PTPRE: variants seen among roughly 807,000 people sequenced by gnomAD.
PTPRE encodes the protein protein tyrosine phosphatase receptor type E, also known as receptor-type tyrosine-protein phosphatase epsilon.
PTPRE carries 51 observed loss-of-function variants against 102.0 expected under a neutral mutation model. That is an observed-to-expected ratio of 0.50 (90% CI 0.40 to 0.63). The LOEUF is 0.63. Ranked by LOEUF, PTPRE falls within the 30% of genes least tolerant of loss-of-function variation. The pLI is 0.00. For synonymous variants in PTPRE, 345 were observed against 348.2 expected, an observed-to-expected ratio of 0.99 and a Z score of 0.10; for missense variants, 752 against 915.1, an observed-to-expected ratio of 0.82 and a Z score of 2.30.
chr10:128,053,035 G>A (rs1848672308), intron 6 of PTPRE, among the ~76,000 whole-genome samples: 1 of 152,170 alleles, frequency 6.6e-6, no homozygotes, highest in South Asian at 2.1e-4. Context: ...GATCATTTGA[G>A]CCCAGTAGTT....
intron 1 of PTPRE, among the ~76,000 whole-genome samples, chr10:127,971,852 C>G (rs1445750755): frequency 6.6e-6 from 1 of 152,164 alleles, no homozygotes; most frequent in Non-Finnish European, 1.5e-5. Context: ...GAGAGCTTTC[C>G]CTTAGCACTT....
intron 1 of PTPRE, among the ~76,000 whole-genome samples, chr10:127,913,672 G>A (rs977628616): frequency 6.6e-6 from 1 of 152,200 alleles, no homozygotes. Context: ...CGCTCTGAGG[G>A]TCGGGAACGC....
chr10:128,032,672 G>A (rs925308388), intron 2 of PTPRE, among the ~76,000 whole-genome samples: 2 of 152,204 alleles, frequency 1.3e-5, no homozygotes, highest in African/African-American at 4.8e-5. Flanking sequence ...CTGGCCACTT[G>A]TGGCACCAGC....
intron 1 of PTPRE, among the ~76,000 whole-genome samples, chr10:127,920,106 A>G (rs895557660): frequency 6.6e-6 from 1 of 152,160 alleles, no homozygotes; most frequent in African/African-American, 2.4e-5. Context: ...GTTTGTGGCT[A>G]GAATGATGTT....
In PTPRE at chr10:127,907,359, A is replaced by G. The variant is rs71494332; in HGVS notation, c.-31+50A>G. The G allele has an allele frequency of 0.35, 339,116 of 982,130 alleles. 59,321 individuals carry two copies. Among genetic ancestry groups the G allele is most frequent in the African/African-American group, 0.48 (27,217 of 56,934 alleles). The allele number at this position is 982,130 out of a possible 1,614,324, so 60.8% of individuals were successfully genotyped here. ...CCTGCGCCCCTGTGGGGAACTGTGC[A>G]CCCCGGGAGGCCCAAGCAGGCCGGG... is the stretch of plus-strand genomic sequence containing the variant. On this transcript the variant is annotated intron_variant, in intron 1 of 20. Transcript: ENST00000254667. This position sits in a 1 kb window ranked among gnomAD's most constrained non-coding sequence, Gnocchi z 4.8.
rs570452606 is a variant in PTPRE at position 127,981,488 on chromosome 10, CTG to C, written c.-30-784_-30-783del. Among the ~76,000 whole-genome samples the C allele has an allele frequency of 6.2e-4, 93 of 149,976 alleles. 2 individuals are homozygous for C. In the South Asian group the frequency reaches 0.015, roughly 24 times the overall value. ...GTATGAAAATTATGTCTCAATAAAA[CTG>C]TTTTTTTTTAAAAAATAAAATAACA... On this transcript the variant is annotated intron_variant, in intron 1 of 20. Transcript: ENST00000254667.
intron 1 of PTPRE, among the ~76,000 whole-genome samples, chr10:127,926,835 A>G (rs1467258591): frequency 2.3e-5 from 3 of 130,018 alleles, no homozygotes; most frequent in East Asian, 4.7e-4. Flanking sequence ...TTTTTGAGAT[A>G]GAGTCTTACT....
intron 1 of PTPRE, among the ~76,000 whole-genome samples, chr10:127,923,049 C>T (rs1042918801): frequency 7.9e-5 from 12 of 152,236 alleles, no homozygotes; most frequent in Admixed American, 2.0e-4. Flanking sequence ...CTAACTTGAG[C>T]GTCTGGCGGC....
intron 1 of PTPRE, among the ~76,000 whole-genome samples, chr10:127,947,409 A>G (rs1251195386): frequency 6.6e-6 from 1 of 152,198 alleles, no homozygotes; most frequent in African/African-American, 2.4e-5. Flanking sequence ...AGGTGTTGCC[A>G]CACCCTGAGG....
intron 19 of PTPRE, 121 bp from the exon 20 acceptor site, chr10:128,079,433 GTCAAAC>G: frequency 7.7e-7 from 1 of 1,295,430 alleles, no homozygotes; most frequent in Non-Finnish European, 1.1e-6. Context: ...AAAAAATTCA[GTCAAAC>G]TCAGATCATT....
At chr10:128,067,483 C>T (rs922539053) in intron 11 of PTPRE, among the ~76,000 whole-genome samples, 7 of 151,948 alleles carry the variant, frequency 4.6e-5, no homozygotes, top group South Asian at 2.1e-4. Context: ...TTCACACGTG[C>T]GCACATACAC....
At chr10:128,065,703 T>C (rs999694862) in intron 10 of PTPRE, among the ~76,000 whole-genome samples, 1 of 152,160 alleles carries the variant, frequency 6.6e-6, no homozygotes, top group Non-Finnish European at 1.5e-5. Flanking sequence ...GGGAGCACCG[T>C]CCTTGCCCTC....
At chr10:127,965,080 T>C (rs562155188) in intron 1 of PTPRE, 89 of 452,476 alleles carry the variant, frequency 2.0e-4, no homozygotes, top group South Asian at 1.1e-3. Context: ...ACTTCTAAAA[T>C]TCAGTCCAAT....
At chr10:128,073,955 A>T (rs548636027) in intron 17 of PTPRE, among the ~76,000 whole-genome samples, 3 of 152,322 alleles carry the variant, frequency 2.0e-5, no homozygotes, top group Admixed American at 1.3e-4. Flanking sequence ...CATGCAATTC[A>T]TCTTTTTAAA....
At chr10:128,067,069 T>C (rs1850202259) in intron 11 of PTPRE, among the ~76,000 whole-genome samples, 6 of 143,264 alleles carry the variant, frequency 4.2e-5, no homozygotes, top group Admixed American at 4.2e-4. Flanking sequence ...CATGCACACG[T>C]ACACCCACAC....
intron 1 of PTPRE, among the ~76,000 whole-genome samples, chr10:127,938,726 T>C (rs892038584): frequency 6.6e-6 from 1 of 152,188 alleles, no homozygotes; most frequent in South Asian, 2.1e-4. Context: ...AGTGTGTAAA[T>C]TGATAAAATT....
chr10:128,007,046 C>T (rs1178708719), intron 2 of PTPRE, among the ~76,000 whole-genome samples: 1 of 152,156 alleles, frequency 6.6e-6, no homozygotes, highest in Admixed American at 6.5e-5. Flanking sequence ...CCTATTTTCC[C>T]ATTACCTGAT....
Position 128,079,704 on chromosome 10 carries a change from C to A in PTPRE, c.2028+9C>A, listed in dbSNP as rs1851535224. 1 of 1,609,242 alleles carries A rather than the reference C, an allele frequency of 6.2e-7. No homozygotes were observed. Among genetic ancestry groups the A allele is most frequent in the African/African-American group, 1.3e-5 (1 of 74,758 alleles). ...ATATGGTGCAAACCCTGGTAAGAATCTGAATAAGGATGTTACCAGAAGAGT... is the reference window on the plus strand; with the variant it reads ...ATATGGTGCAAACCCTGGTAAGAATATGAATAAGGATGTTACCAGAAGAGT... On this transcript the variant is annotated intron_variant, in intron 20 of 20. Coordinates refer to ENST00000254667, the MANE Select transcript of PTPRE (RefSeq NM_006504.6).
intron 2 of PTPRE, among the ~76,000 whole-genome samples, chr10:128,006,004 T>C (rs1006233654): frequency 6.6e-6 from 1 of 152,192 alleles, no homozygotes; most frequent in African/African-American, 2.4e-5. Context: ...CCTCTTCTTA[T>C]AAAGACACCA....
Sources: allele counts gnomAD v4.1 joint callset (sites outside exome capture counted in the v4.1 genomes callset), GRCh38; gene constraint gnomAD v4.1.1; non-coding constraint Gnocchi (gnomAD v3.1); transcripts MANE v1.5; gene names NCBI Gene and HGNC (gene_info 2026-07-23, HGNC 2026-07-21).